MAN2A1: variants seen among roughly 807,000 people sequenced by gnomAD.
The protein encoded by MAN2A1 is mannosidase alpha class 2A member 1.
In MAN2A1, 76 loss-of-function variants were observed where a neutral mutation model predicts 142.6. The observed-to-expected ratio is 0.53, with a 90% CI of 0.44 to 0.65. The LOEUF (loss-of-function observed/expected upper bound fraction) is 0.65, where lower values mean the gene tolerates loss of function less well. MAN2A1 is among the 30% of genes least tolerant of loss of function. MAN2A1 has a pLI of 0.00. For missense variants in MAN2A1, 1,311 were observed against 1,365.1 expected, an observed-to-expected ratio of 0.96 and a Z score of 0.62; for synonymous variants, 559 against 473.2, an observed-to-expected ratio of 1.18 and a Z score of -2.35.
rs762920115 is a variant in MAN2A1, at chr5:109,789,501, T to C, written c.1917T>C (p.Asn639=). 1 of 1,589,376 alleles carries C rather than the reference T, an allele frequency of 6.3e-7. No homozygotes were observed. Residue 639 remains asparagine (N), a synonymous_variant, in exon 12 of 22, where the codon AAT becomes AAC. Transcript: ENST00000261483. ...QKSQDSLPQK[N]IIRLSAEPRY... Reference sequence around the variant, plus strand: ...CACAAGATTCTCTGCCACAAAAAAATATAATAAGGCTGAGTGCGGAGCCAA... The same window carrying C: ...CACAAGATTCTCTGCCACAAAAAAACATAATAAGGCTGAGTGCGGAGCCAA...
chr5:109,825,368 T>C (rs1252852449), intron 16 of MAN2A1, among the ~76,000 whole-genome samples: 1 of 152,246 alleles, frequency 6.6e-6, no homozygotes, highest in African/African-American at 2.4e-5. Flanking sequence ...TGATTTACCA[T>C]TGTTTTTCAT....
intron 20 of MAN2A1, among the ~76,000 whole-genome samples, chr5:109,861,364 A>C (rs1755753050): frequency 6.6e-6 from 1 of 152,196 alleles, no homozygotes. Context: ...TGCCAGAGTA[A>C]ATCTTGATGT....
chr5:109,783,914 G>A (rs918486365), intron 9 of MAN2A1, among the ~76,000 whole-genome samples: 1 of 151,930 alleles, frequency 6.6e-6, no homozygotes, highest in African/African-American at 2.4e-5. Flanking sequence ...TGCCCAGGCT[G>A]GAGTGTAGTA....
intron 8 of MAN2A1, among the ~76,000 whole-genome samples, chr5:109,777,700 A>G (rs1346078226): frequency 6.6e-6 from 1 of 152,062 alleles, no homozygotes; most frequent in Non-Finnish European, 1.5e-5. Flanking sequence ...TGCCTTCAAC[A>G]TTTAGGTCTA....
At position 109,788,966 on chromosome 5, in the gene MAN2A1, T is replaced by C; in HGVS notation, c.1793T>C (p.Ile598Thr). The change falls in exon 11 of 22, where the codon ATA becomes ACA. Residue 598 changes from isoleucine (I) to threonine (T), a missense_variant. This residue lies in a region of MAN2A1 where 890 missense variants were observed against 920.5 expected (regional missense o/e 0.97). Coordinates refer to ENST00000261483, the MANE Select transcript of MAN2A1 (RefSeq NM_002372.4). Reference protein sequence around the residue: ...LFHSLMVLEKIIGNSAFLLIL... With the variant: ...LFHSLMVLEKTIGNSAFLLIL... ...CATTCGTTAATGGTTTTGGAGAAGA[T>C]AATTGGAAATTCTGCATTTCTTCTT... The C allele has an allele frequency of 6.3e-7, 1 of 1,599,278 alleles. No homozygotes were observed. The highest frequency in any genetic ancestry group is 8.6e-7 in the Non-Finnish European group (1 of 1,167,984).
At chr5:109,719,171 C>A (rs1266324742) in intron 3 of MAN2A1, among the ~76,000 whole-genome samples, 1 of 152,092 alleles carries the variant, frequency 6.6e-6, no homozygotes, top group Non-Finnish European at 1.5e-5. Context: ...TGACTATAAT[C>A]TCTTTTGGTA....
At chr5:109,736,130 G>A (rs530978473) in intron 4 of MAN2A1, among the ~76,000 whole-genome samples, 2 of 151,970 alleles carry the variant, frequency 1.3e-5, no homozygotes, top group Admixed American at 6.6e-5. Flanking sequence ...ACACTGAAAT[G>A]TTAGCTATTA....
chr5:109,803,907 A>G (rs775936626), intron 12 of MAN2A1, among the ~76,000 whole-genome samples: 1 of 152,102 alleles, frequency 6.6e-6, no homozygotes, highest in African/African-American at 2.4e-5. Context: ...AATGATTTCT[A>G]TTGGGGTGGG....
intron 16 of MAN2A1, among the ~76,000 whole-genome samples, chr5:109,837,651 C>T (rs1363161431): frequency 6.6e-6 from 1 of 152,138 alleles, no homozygotes; most frequent in Non-Finnish European, 1.5e-5. Flanking sequence ...CTCTTGGCTC[C>T]TGTCATTGCG....
chr5:109,743,696 G>T (rs112814294), intron 4 of MAN2A1, among the ~76,000 whole-genome samples: 3 of 152,090 alleles, frequency 2.0e-5, no homozygotes, highest in East Asian at 3.9e-4. Context: ...CTCTTGTCTC[G>T]TACTATTGTG....
intron 10 of MAN2A1, among the ~76,000 whole-genome samples, chr5:109,787,283 A>G (rs1057397529): frequency 1.3e-5 from 2 of 151,990 alleles, no homozygotes; most frequent in African/African-American, 4.8e-5. Context: ...TAAAATGTAG[A>G]CAAACTATAT....
intron 16 of MAN2A1, among the ~76,000 whole-genome samples, chr5:109,827,582 A>G (rs1269129666): frequency 6.6e-6 from 1 of 152,230 alleles, no homozygotes; most frequent in Non-Finnish European, 1.5e-5. Context: ...TTTGGTATTT[A>G]ACTTTTGTTT....
chr5:109,861,807 G>C (rs758733991), intron 20 of MAN2A1, among the ~76,000 whole-genome samples: 10 of 152,136 alleles, frequency 6.6e-5, no homozygotes, highest in Non-Finnish European at 1.2e-4. Context: ...GGAATACACT[G>C]TCTATTTTTC....
At chr5:109,826,824 C>G (rs984158531) in intron 16 of MAN2A1, among the ~76,000 whole-genome samples, 1 of 152,182 alleles carries the variant, frequency 6.6e-6, no homozygotes, top group Admixed American at 6.5e-5. Flanking sequence ...TTAAGAAATA[C>G]TGGAAAGTTG....
At chr5:109,837,608 A>C (rs937779254) in intron 16 of MAN2A1, among the ~76,000 whole-genome samples, 3 of 152,180 alleles carry the variant, frequency 2.0e-5, no homozygotes, top group Non-Finnish European at 4.4e-5. Context: ...TAAAGCTTGT[A>C]GTAAACATAT....
At chr5:109,762,721 G>C (rs1032386718) in intron 5 of MAN2A1, among the ~76,000 whole-genome samples, 3 of 152,098 alleles carry the variant, frequency 2.0e-5, no homozygotes, top group Admixed American at 2.0e-4. Flanking sequence ...CATGTGATAT[G>C]AGGTATCTCA....
At chr5:109,762,620 T>G (rs569437411) in intron 5 of MAN2A1, among the ~76,000 whole-genome samples, 73 of 152,248 alleles carry the variant, frequency 4.8e-4, no homozygotes, top group African/African-American at 1.3e-3. Context: ...AGGGTCAGTC[T>G]GAGAATGTAT....
At chr5:109,708,382 A>C (rs1751198120) in intron 1 of MAN2A1, among the ~76,000 whole-genome samples, 1 of 152,036 alleles carries the variant, frequency 6.6e-6, no homozygotes, top group Admixed American at 6.6e-5. Context: ...GGAGTTTGTA[A>C]GGAAGGGGGA....
chr5:109,801,199 G>A (rs1468927213), intron 12 of MAN2A1, among the ~76,000 whole-genome samples: 2 of 152,160 alleles, frequency 1.3e-5, no homozygotes, highest in Admixed American at 1.3e-4. Flanking sequence ...AAAAGTCCAG[G>A]CTGCTTTTAC....
Sources: allele counts gnomAD v4.1 joint callset (sites outside exome capture counted in the v4.1 genomes callset), GRCh38; gene constraint gnomAD v4.1.1; regional missense constraint gnomAD v4.1.1; transcripts MANE v1.5; gene names NCBI Gene and HGNC (gene_info 2026-07-23, HGNC 2026-07-21).